Variants in SEMA5B observed in about 807,000 individuals in gnomAD.
The protein encoded by SEMA5B is semaphorin-5B.
In SEMA5B, 66 loss-of-function variants were observed where a neutral mutation model predicts 135.0. The ratio of observed to expected loss-of-function variants is 0.49; its 90% CI spans 0.40 to 0.60. SEMA5B has a LOEUF of 0.60. SEMA5B is among the 20% of genes least tolerant of loss of function. The pLI is 0.00. For missense variants in SEMA5B, 1,501 were observed against 1,566.3 expected (o/e 0.96, Z 0.70); for synonymous variants, 690 against 639.5 (o/e 1.08, Z -1.19).
intron 1 of SEMA5B, among the ~76,000 whole-genome samples, chr3:122,971,336 T>C (rs1941105721): frequency 6.6e-6 from 1 of 152,240 alleles, no homozygotes; most frequent in African/African-American, 2.4e-5. Flanking sequence ...GACTGAATGG[T>C]GGAACAAAGT....
chr3:122,971,960 C>T lies in SEMA5B; in HGVS notation c.-38-10659G>A, dbSNP rs116772351. Among the ~76,000 whole-genome samples the T allele has an allele frequency of 4.0e-3, 605 of 152,348 alleles. 3 individuals carry two copies. Among genetic ancestry groups the T allele is most frequent in the African/African-American group, 0.011 (451 of 41,574 alleles). ...GCAATCATAACAACTTCTTCACAGACTTGTGAAGGTGAGATACTTGTGCAC... is the reference window on the plus strand; with the variant it reads ...GCAATCATAACAACTTCTTCACAGATTTGTGAAGGTGAGATACTTGTGCAC... On this transcript the variant is annotated intron_variant, in intron 1 of 22. Transcript: ENST00000357599.
intron 1 of SEMA5B, among the ~76,000 whole-genome samples, chr3:123,013,036 T>C (rs1437439850): frequency 2.6e-5 from 4 of 152,170 alleles, no homozygotes; most frequent in African/African-American, 9.7e-5. Flanking sequence ...TGCAGGGTCC[T>C]GCATAATGGA....
chr3:122,909,447 T>A lies in SEMA5B; in HGVS notation c.*696A>T, dbSNP rs1034855026. ...CATTGATCCTCTCTCCTGGGCCACC[T>A]TTCGTGCATTGAGGGCAAGGCTGAG... On this transcript the variant is annotated 3_prime_UTR_variant, in exon 23 of 23. Transcript: ENST00000357599. 3 of 152,798 alleles carry A rather than the reference T, an allele frequency of 2.0e-5. No individual in the cohort carries two copies. The highest frequency in any genetic ancestry group is 4.4e-5 in the Non-Finnish European group (3 of 68,146). The allele number at this position is 152,798 out of a possible 1,614,324, so 9.5% of individuals were successfully genotyped here.
intron 1 of SEMA5B, among the ~76,000 whole-genome samples, chr3:122,987,277 C>G (rs1355575094): frequency 6.6e-6 from 1 of 152,120 alleles, no homozygotes; most frequent in Admixed American, 6.5e-5. Context: ...CTTGTCCCCC[C>G]CATAAGTGGG....
chr3:122,986,031 G>C (rs1941685746), intron 1 of SEMA5B, among the ~76,000 whole-genome samples: 1 of 152,122 alleles, frequency 6.6e-6, no homozygotes, highest in African/African-American at 2.4e-5. Flanking sequence ...ATTCTATGGA[G>C]TAAATTGTGT....
chr3:122,989,340 G>T (rs984277132), intron 1 of SEMA5B, among the ~76,000 whole-genome samples: 1 of 152,208 alleles, frequency 6.6e-6, no homozygotes, highest in Non-Finnish European at 1.5e-5. Flanking sequence ...ATGTTGCCAG[G>T]CTTAGTTGTG....
At chr3:122,953,571 CGG>C (rs1441696061) in intron 2 of SEMA5B, among the ~76,000 whole-genome samples, 2 of 152,094 alleles carry the variant, frequency 1.3e-5, no homozygotes, top group African/African-American at 2.4e-5. Context: ...CAGGACATGA[CGG>C]GTGGGGAAAG....
chr3:122,932,880 G>A (rs1186593385), intron 5 of SEMA5B, among the ~76,000 whole-genome samples: 3 of 152,094 alleles, frequency 2.0e-5, no homozygotes, highest in Non-Finnish European at 4.4e-5. Context: ...CACCACACTT[G>A]GCTAGTTTTT....
chr3:123,024,549 C>T (rs1204119704), intron 1 of SEMA5B, among the ~76,000 whole-genome samples: 5 of 152,162 alleles, frequency 3.3e-5, no homozygotes, highest in African/African-American at 1.2e-4. Context: ...GCATGTGGAA[C>T]CTTATATCAA....
chr3:122,914,457 G>A (rs1280536450), intron 14 of SEMA5B, among the ~76,000 whole-genome samples: 1 of 152,244 alleles, frequency 6.6e-6, no homozygotes. Context: ...CTACTCTGAC[G>A]CCAATTTTCA....
intron 1 of SEMA5B, among the ~76,000 whole-genome samples, chr3:122,999,948 G>A (rs1450902055): frequency 1.3e-5 from 2 of 152,178 alleles, no homozygotes; most frequent in Non-Finnish European, 2.9e-5. Flanking sequence ...AGTGGCTCAC[G>A]CCTGTAATCC....
At chr3:122,948,876 C>T (rs1939923729) in intron 2 of SEMA5B, among the ~76,000 whole-genome samples, 167 bp from the exon 3 acceptor site, 1 of 152,226 alleles carries the variant, frequency 6.6e-6, no homozygotes, top group African/African-American at 2.4e-5. Context: ...ATATAGATCA[C>T]TCCCTGAAAG....
At chr3:122,932,366 A>G (rs1288280547) in intron 5 of SEMA5B, among the ~76,000 whole-genome samples, 2 of 147,698 alleles carry the variant, frequency 1.4e-5, no homozygotes, top group African/African-American at 5.0e-5. Flanking sequence ...TCCAAACTGC[A>G]CCATTTTAAG....
At chr3:122,933,159 G>T (rs957051735) in intron 5 of SEMA5B, among the ~76,000 whole-genome samples, 7 of 151,720 alleles carry the variant, frequency 4.6e-5, no homozygotes, top group African/African-American at 1.7e-4. Context: ...GTTAGCCTGG[G>T]GCTTACCTTC....
At chr3:123,022,923 G>A (rs1942720752) in intron 1 of SEMA5B, among the ~76,000 whole-genome samples, 1 of 152,212 alleles carries the variant, frequency 6.6e-6, no homozygotes, top group African/African-American at 2.4e-5. Context: ...TGGTTATAAA[G>A]GAAATTTCTT....
At chr3:122,944,070 T>C (rs927265142) in intron 3 of SEMA5B, among the ~76,000 whole-genome samples, 10 of 152,102 alleles carry the variant, frequency 6.6e-5, no homozygotes, top group Non-Finnish European at 1.0e-4. Context: ...CCAGAACCCA[T>C]CCATAGCTCC....
chr3:122,941,524 T>A (rs1237676707), intron 4 of SEMA5B, among the ~76,000 whole-genome samples: 1 of 152,228 alleles, frequency 6.6e-6, no homozygotes, highest in East Asian at 1.9e-4. Flanking sequence ...GATTCAATGA[T>A]TTACTGCAGG....
chr3:123,005,213 T>A (rs60253773), intron 1 of SEMA5B, among the ~76,000 whole-genome samples: 177 of 152,206 alleles, frequency 1.2e-3, no homozygotes, highest in African/African-American at 4.1e-3. Flanking sequence ...TCCCCACCCC[T>A]GACAGCATCA....
chr3:122,952,693 T>G (rs1940112298), intron 2 of SEMA5B, among the ~76,000 whole-genome samples: 2 of 152,176 alleles, frequency 1.3e-5, no homozygotes, highest in Non-Finnish European at 1.5e-5. Context: ...GCCCTCTGCC[T>G]GCACCTCCAC....
Sources: gnomAD v4.1 joint callset for allele counts (sites outside exome capture counted in the v4.1 genomes callset) on GRCh38, gnomAD v4.1.1 for gene constraint, MANE v1.5 for transcripts, NCBI Gene and HGNC (gene_info 2026-07-23, HGNC 2026-07-21) for gene names.